The following SFXN1 variants were observed in gnomAD, a reference collection of about 807,000 sequenced individuals.
The protein encoded by SFXN1 is sideroflexin 1, also known as sideroflexin-1.
In SFXN1, 32 loss-of-function variants were observed where a neutral mutation model predicts 39.5. The observed-to-expected ratio is 0.81, with a 90% CI of 0.61 to 1.09. The LOEUF (loss-of-function observed/expected upper bound fraction) is 1.09, where lower values mean the gene tolerates loss of function less well. SFXN1 is among the 50% of genes least tolerant of loss of function. The pLI is 0.00. For synonymous variants in SFXN1, 136 were observed against 146.5 expected, an observed-to-expected ratio of 0.93 and a Z score of 0.52; for missense variants, 402 against 407.1, an observed-to-expected ratio of 0.99 and a Z score of 0.11.
chr5:175,512,568 T>G (rs942377502), intron 6 of SFXN1, among the ~76,000 whole-genome samples: 95 of 152,346 alleles, frequency 6.2e-4, no homozygotes, highest in African/African-American at 2.3e-3. Context: ...GATTCCTTTT[T>G]TTTCTCCAGA....
At chr5:175,505,173 A>C (rs971838958) in intron 2 of SFXN1, among the ~76,000 whole-genome samples, 3 of 152,168 alleles carry the variant, frequency 2.0e-5, no homozygotes, top group African/African-American at 7.2e-5. Flanking sequence ...GAGATTGTAG[A>C]GGTGTCAGTT....
At chr5:175,481,422 A>G (rs1434040205) in intron 1 of SFXN1, among the ~76,000 whole-genome samples, 4 of 152,160 alleles carry the variant, frequency 2.6e-5, no homozygotes, top group Admixed American at 2.6e-4. Flanking sequence ...CCCGGGTTCA[A>G]GTGATTCTCC....
chr5:175,486,222 A>G (rs535444670), intron 1 of SFXN1, among the ~76,000 whole-genome samples: 22 of 152,188 alleles, frequency 1.4e-4, no homozygotes, highest in Non-Finnish European at 1.9e-4. Context: ...CTCTGCAGAC[A>G]TTAATTGGTG....
chr5:175,521,877 C>T lies in SFXN1; in HGVS notation c.775-42C>T, dbSNP rs375679754. 5 of 1,511,958 alleles carry T rather than the reference C, an allele frequency of 3.3e-6. No individual in the cohort carries two copies. In the African/African-American group the frequency reaches 5.5e-5, roughly 17 times the overall value. The allele number at this position is 1,511,958 out of a possible 1,614,324, so 93.7% of individuals were successfully genotyped here. On this transcript the variant is annotated intron_variant, in intron 8 of 10. Coordinates refer to ENST00000321442, the MANE Select transcript of SFXN1 (RefSeq NM_022754.7). ...AATCAGAAGATATTGCCTCTAAGAC[C>T]CTGTATAAAAAGTATTCAAAGCCAT... is the stretch of plus-strand genomic sequence containing the variant.
Position 175,509,152 on chromosome 5 carries a change from C to T in SFXN1, c.285C>T (p.Ala95=). 6.2e-7 allele frequency: 1 copy of T among 1,613,470 alleles called. No homozygotes were observed. The highest frequency in any genetic ancestry group is 8.5e-7 in the Non-Finnish European group (1 of 1,179,760). Residue 95 remains alanine, a synonymous_variant, in exon 3 of 11, where the codon GCC becomes GCT. Coordinates refer to ENST00000321442, the MANE Select transcript of SFXN1 (RefSeq NM_022754.7). ...EKMILIGRMS[A]QVPMNMTITG... is the part of the protein sequence containing the mutation. ...TGATTTTGATAGGAAGAATGTCAGC[C>T]CAGGTTCCCATGAACATGACCATCA...
At chr5:175,525,150 C>T (rs1341692372) in intron 10 of SFXN1, among the ~76,000 whole-genome samples, 1 of 152,216 alleles carries the variant, frequency 6.6e-6, no homozygotes, top group Non-Finnish European at 1.5e-5. Flanking sequence ...GTTTGAATAA[C>T]TTTAATTCCA....
Position 175,513,478 on chromosome 5 carries a change from C to T in SFXN1, c.612C>T (p.Gly204=), listed in dbSNP as rs774922891. The T allele has an allele frequency of 6.2e-7, 1 of 1,613,660 alleles. No individual in the cohort carries two copies. Among genetic ancestry groups the T allele is most frequent in the Non-Finnish European group, 8.5e-7 (1 of 1,179,754 alleles). The part of the protein sequence containing the change: ...PLMRQRELKV[G]IPVTDENGNR... ...TGCTCTGCAGGGAACTCAAAGTTGG[C>T]ATTCCCGTCACGGATGAGAATGGGA... The change falls in exon 7 of 11, where the codon GGC becomes GGT. Residue 204 remains glycine, a synonymous_variant. Transcript: ENST00000321442.
chr5:175,485,984 C>G (rs754974364), intron 1 of SFXN1, among the ~76,000 whole-genome samples: 3 of 152,254 alleles, frequency 2.0e-5, no homozygotes, highest in African/African-American at 4.8e-5. Flanking sequence ...AGCATCTAGC[C>G]CAATTCCTTG....
chr5:175,487,073 G>A (rs1316664857), intron 1 of SFXN1, among the ~76,000 whole-genome samples: 2 of 152,118 alleles, frequency 1.3e-5, no homozygotes, highest in Admixed American at 6.5e-5. Flanking sequence ...ACCTAGGCCC[G>A]AGGGCAGGCA....
chr5:175,508,082 T>TAGACAAA (rs1760377936), intron 2 of SFXN1, among the ~76,000 whole-genome samples: 1 of 152,128 alleles, frequency 6.6e-6, no homozygotes, highest in Non-Finnish European at 1.5e-5. Flanking sequence ...TTTAAAGTAT[T>TAGACAAA]TTAGAGTTTA....
At chr5:175,491,312 C>T (rs1191812613) in intron 1 of SFXN1, among the ~76,000 whole-genome samples, 2 of 151,934 alleles carry the variant, frequency 1.3e-5, no homozygotes, top group African/African-American at 2.4e-5. Context: ...AATGAATCTG[C>T]GTCTTTTTTA....
intron 2 of SFXN1, among the ~76,000 whole-genome samples, chr5:175,499,326 A>C (rs2113299857): frequency 6.6e-6 from 1 of 152,296 alleles, no homozygotes; most frequent in South Asian, 2.1e-4. Context: ...ACACTTCATT[A>C]TTCATTTCAT....
chr5:175,517,250 A>G (rs182621236), intron 8 of SFXN1, among the ~76,000 whole-genome samples: 10 of 152,346 alleles, frequency 6.6e-5, no homozygotes, highest in African/African-American at 2.2e-4. Context: ...ACACAATGAT[A>G]AGATGAATAA....
intron 7 of SFXN1, chr5:175,513,879 C>T (rs147438121): frequency 2.9e-5 from 8 of 271,484 alleles, no homozygotes; most frequent in Non-Finnish European, 5.1e-5. Context: ...GCAGAGGGAA[C>T]CACAGGCAGG....
At chr5:175,487,820 C>T (rs997945670) in intron 1 of SFXN1, among the ~76,000 whole-genome samples, 2 of 152,160 alleles carry the variant, frequency 1.3e-5, no homozygotes, top group East Asian at 1.9e-4. Flanking sequence ...CTGTCTTCTC[C>T]CTCGGCCCTC....
chr5:175,479,905 T>C (rs1448604724), intron 1 of SFXN1, among the ~76,000 whole-genome samples: 1 of 152,200 alleles, frequency 6.6e-6, no homozygotes, highest in Admixed American at 6.5e-5. Context: ...ACTGATCTGC[T>C]TCAGTGTTCT....
chr5:175,480,635 G>A (rs1315100320), intron 1 of SFXN1, among the ~76,000 whole-genome samples: 2 of 152,236 alleles, frequency 1.3e-5, no homozygotes, highest in African/African-American at 2.4e-5. Flanking sequence ...GAAACCCCAT[G>A]GGGATGGATA....
chr5:175,521,926 C>G lies in SFXN1; in HGVS notation c.782C>G (p.Pro261Arg), dbSNP rs761464814. 1 of 1,598,132 alleles carries G rather than the reference C, an allele frequency of 6.3e-7. No individual in the cohort carries two copies. The highest frequency in any genetic ancestry group is 1.7e-5 in the Admixed American group (1 of 59,910). ...ATTTATTTCTCAACACAGAGGTTCC[C>G]ATGGATGAGTGCACCCATTCAAGTT... ...LEKKAFLKRFPWMSAPIQVGL... is the reference protein window; with the variant it reads ...LEKKAFLKRFRWMSAPIQVGL... The change falls in exon 9 of 11, where the codon CCA (proline) becomes CGA (arginine). Residue 261 changes from proline to arginine, a missense_variant. Pro to Arg is a moderately radical substitution (Grantham distance 103, BLOSUM62 -2). Coordinates refer to ENST00000321442, the MANE Select transcript of SFXN1 (RefSeq NM_022754.7).
chr5:175,506,951 A>G (rs771464202), intron 2 of SFXN1, among the ~76,000 whole-genome samples: 4 of 152,194 alleles, frequency 2.6e-5, no homozygotes, highest in Non-Finnish European at 5.9e-5. Context: ...GGCGTGAGCC[A>G]CCATGCCCAG....
Sources: allele counts gnomAD v4.1 joint callset (sites outside exome capture counted in the v4.1 genomes callset), GRCh38; gene constraint gnomAD v4.1.1; transcripts MANE v1.5; gene names NCBI Gene and HGNC (gene_info 2026-07-23, HGNC 2026-07-21).